Variants in RET observed in about 807,000 individuals in gnomAD.
RET encodes ret proto-oncogene.
In RET, 19 loss-of-function variants were observed where a neutral mutation model predicts 118.3. The ratio of observed to expected loss-of-function variants is 0.16; its 90% CI spans 0.11 to 0.24. The LOEUF (loss-of-function observed/expected upper bound fraction) is 0.24. RET is among the 10% of genes least tolerant of loss of function. The pLI is 1.00. For synonymous variants in RET, 597 were observed against 644.1 expected, an observed-to-expected ratio of 0.93 and a Z score of 1.11; for missense variants, 1,219 against 1,502.1, an observed-to-expected ratio of 0.81 and a Z score of 3.12.
chr10:43,089,303 TCATCTCTC>T (rs1428145910), intron 1 of RET, among the ~76,000 whole-genome samples: 1 of 152,146 alleles, frequency 6.6e-6, no homozygotes, highest in Non-Finnish European at 1.5e-5. Context: ...TCTAACACAT[TCATCTCTC>T]CAAAAGTAAG....
chr10:43,080,814 G>C (rs1197480743), intron 1 of RET, among the ~76,000 whole-genome samples: 3 of 152,270 alleles, frequency 2.0e-5, no homozygotes, highest in African/African-American at 7.2e-5. Context: ...AGGGCCGACT[G>C]TGTGTGCTCT....
chr10:43,127,464 C>A, intron 19 of RET: 1 of 1,044,928 alleles, frequency 9.6e-7, no homozygotes, highest in Non-Finnish European at 1.2e-6. Flanking sequence ...TGGTTCTTGC[C>A]AAAACTCCTT....
At chr10:43,096,566 C>T (rs1445016381) in intron 1 of RET, among the ~76,000 whole-genome samples, 1 of 152,148 alleles carries the variant, frequency 6.6e-6, no homozygotes, top group Non-Finnish European at 1.5e-5. Context: ...CCTGGCTGCA[C>T]CTGCACTGGC....
At chr10:43,113,508 G>A (rs1287254660) in intron 9 of RET, 48 bp from the exon 10 acceptor site, 1 of 1,564,212 alleles carries the variant, frequency 6.4e-7, no homozygotes, top group Non-Finnish European at 8.6e-7. Flanking sequence ...TGGGCGCCTG[G>A]GGTGGTCAGG....
At chr10:43,101,509 TC>T (rs1280319469) in intron 2 of RET, among the ~76,000 whole-genome samples, 3 of 152,370 alleles carry the variant, frequency 2.0e-5, no homozygotes, top group African/African-American at 7.2e-5. Context: ...CCCAGGCAGT[TC>T]CTGGAGGAGG....
Position 43,113,654 on chromosome 10 carries a change from T to C in RET, c.1858T>C (p.Cys620Arg), listed in dbSNP as rs77316810. ...CTTCCCTGAGGAGGAGAAGTGCTTCTGCGAGCCCGAAGACATCCAGGGTGA... is the reference window on the plus strand; with the variant it reads ...CTTCCCTGAGGAGGAGAAGTGCTTCCGCGAGCCCGAAGACATCCAGGGTGA... ...NCFPEEEKCF[C>R]EPEDIQDPLC... Residue 620 changes from cysteine to arginine, a missense_variant, in exon 10 of 20, where the codon TGC (cysteine) becomes CGC (arginine). Coordinates refer to ENST00000355710, the MANE Select transcript of RET (RefSeq NM_020975.6). 2 of 1,613,372 alleles carry C rather than the reference T, an allele frequency of 1.2e-6. No individual in the cohort carries two copies. The highest frequency in any genetic ancestry group is 1.7e-6 in the Non-Finnish European group (2 of 1,179,868).
At chr10:43,118,340 A>G (rs1564498010) in intron 12 of RET, 33 bp from the exon 13 acceptor site, 1 of 1,572,254 alleles carries the variant, frequency 6.4e-7, no homozygotes. Context: ...TCCAGGAGCG[A>G]TCGTTTGCAA....
intron 1 of RET, among the ~76,000 whole-genome samples, chr10:43,077,843 G>A (rs1490105419): frequency 6.6e-6 from 1 of 152,238 alleles, no homozygotes; most frequent in East Asian, 1.9e-4. Flanking sequence ...GGGATTCGGA[G>A]GCTCTTTTGA....
At chr10:43,094,343 A>G (rs918093619) in intron 1 of RET, among the ~76,000 whole-genome samples, 58 of 152,272 alleles carry the variant, frequency 3.8e-4, no homozygotes, top group African/African-American at 1.3e-3. Flanking sequence ...GCCACCCATC[A>G]AGGGCAGGCG....
Position 43,114,273 on chromosome 10 carries a change from G to A in RET, c.1880-207G>A, listed in dbSNP as rs539063983. On this transcript the variant is annotated intron_variant, in intron 10 of 19. Coordinates refer to ENST00000355710, the MANE Select transcript of RET (RefSeq NM_020975.6). This position sits in a 1 kb window ranked among gnomAD's most constrained non-coding sequence, Gnocchi z 4.6. ...TCTGAGCCTCTGTCTCCATCTGTAA[G>A]AGGGCAATAGTGGTCTAGGAGGGGG... 6.6e-6 allele frequency among the ~76,000 whole-genome samples: 1 copy of A among 152,294 alleles called. No homozygotes were observed. Among genetic ancestry groups the A allele is most frequent in the South Asian group, 2.1e-4 (1 of 4,830 alleles).
chr10:43,104,815 T>C (rs1837721196), intron 3 of RET, 137 bp from the exon 4 acceptor site: 5 of 1,315,358 alleles, frequency 3.8e-6, no homozygotes, highest in Non-Finnish European at 5.1e-6. Flanking sequence ...TGCCCTCCCC[T>C]GTGGAGCGGA....
intron 1 of RET, among the ~76,000 whole-genome samples, chr10:43,088,927 C>G (rs1473770906): frequency 2.0e-5 from 3 of 152,238 alleles, no homozygotes; most frequent in Non-Finnish European, 4.4e-5. Context: ...TGCTTTTCCC[C>G]TCCTTTCACT....
At chr10:43,089,044 G>T (rs575895815) in intron 1 of RET, among the ~76,000 whole-genome samples, 1 of 152,362 alleles carries the variant, frequency 6.6e-6, no homozygotes, top group East Asian at 1.9e-4. Context: ...GTCTGTGGCT[G>T]TCTCTTGGTC....
intron 15 of RET, among the ~76,000 whole-genome samples, chr10:43,121,681 C>T (rs1838220931): frequency 6.6e-6 from 1 of 152,196 alleles, no homozygotes; most frequent in African/African-American, 2.4e-5. Context: ...TCTGCACTAC[C>T]AGCAGGCCTG....
At chr10:43,108,933 A>T in intron 5 of RET, 98 bp from the exon 6 acceptor site, 4 of 1,211,938 alleles carry the variant, frequency 3.3e-6, no homozygotes, top group Non-Finnish European at 4.8e-6. Context: ...GCGTGTTTGC[A>T]CCAGTGTGAG....
intron 17 of RET, 113 bp downstream of exon 17, chr10:43,123,921 G>A: frequency 6.6e-7 from 1 of 1,525,938 alleles, no homozygotes; most frequent in Non-Finnish European, 9.0e-7. Context: ...GTGGGGGGTG[G>A]GGAGTGGGCA....
chr10:43,105,327 C>G, intron 4 of RET, 134 bp downstream of exon 4: 1 of 1,331,474 alleles, frequency 7.5e-7, no homozygotes, highest in Non-Finnish European at 1.0e-6. Flanking sequence ...CCTTCGCCTC[C>G]GTCTGCGCCG....
At chr10:43,112,022 G>A (rs2132793448) in intron 7 of RET, 77 bp from the exon 8 acceptor site, 1 of 1,542,286 alleles carries the variant, frequency 6.5e-7, no homozygotes, top group Non-Finnish European at 8.7e-7. Context: ...AGCTGGTGCT[G>A]TTCCCTGTCC....
intron 19 of RET, chr10:43,127,286 G>A: frequency 4.7e-6 from 5 of 1,069,704 alleles, no homozygotes; most frequent in Non-Finnish European, 5.7e-6. Context: ...CGAGGTTGCA[G>A]GAGCTGGCTG....
Sources: allele counts gnomAD v4.1 joint callset (sites outside exome capture counted in the v4.1 genomes callset), GRCh38; gene constraint gnomAD v4.1.1; non-coding constraint Gnocchi (gnomAD v3.1); transcripts MANE v1.5; gene names NCBI Gene and HGNC (gene_info 2026-07-23, HGNC 2026-07-21).